NAV2: variants seen among roughly 807,000 people sequenced by gnomAD.
NAV2 encodes neuron navigator 2, also known as helicase, APC down-regulated 1.
NAV2 carries 54 observed loss-of-function variants against 223.2 expected under a neutral mutation model. The observed-to-expected ratio is 0.24, with a 90% CI of 0.19 to 0.30. The LOEUF is 0.30. NAV2 is among the 10% of genes least tolerant of loss of function. NAV2 has a pLI of 1.00. For missense variants in NAV2, 2,806 were observed against 3,147.5 expected, an observed-to-expected ratio of 0.89 and a Z score of 2.60; for synonymous variants, 1,279 against 1,239.3, an observed-to-expected ratio of 1.03 and a Z score of -0.67.
intron 1 of NAV2, among the ~76,000 whole-genome samples, chr11:19,545,269 T>A (rs1265919825): frequency 2.0e-5 from 3 of 152,240 alleles, no homozygotes; most frequent in Non-Finnish European, 4.4e-5. Context: ...GTCTCCATAC[T>A]GCCTCCAGGG....
intron 1 of NAV2, among the ~76,000 whole-genome samples, chr11:19,631,569 T>C (rs2047346385): frequency 6.6e-6 from 1 of 152,188 alleles, no homozygotes; most frequent in Admixed American, 6.5e-5. Context: ...CCAAGACTAG[T>C]GTGCTCTCAT....
intron 1 of NAV2, among the ~76,000 whole-genome samples, chr11:19,389,576 GAC>G (rs1221770589): frequency 1.3e-5 from 2 of 152,174 alleles, no homozygotes; most frequent in Non-Finnish European, 2.9e-5. Flanking sequence ...GAAGATCAAG[GAC>G]AGTCATCACA....
intron 4 of NAV2, among the ~76,000 whole-genome samples, chr11:19,870,894 T>C (rs1486118334): frequency 1.3e-5 from 2 of 152,108 alleles, no homozygotes; most frequent in South Asian, 4.1e-4. Flanking sequence ...AATCTAGGTA[T>C]GCCATATAAA....
intron 11 of NAV2, among the ~76,000 whole-genome samples, chr11:20,019,549 C>A (rs1342898498): frequency 6.6e-6 from 1 of 152,012 alleles, no homozygotes; most frequent in African/African-American, 2.4e-5. Flanking sequence ...TGAGATCACC[C>A]AGGAAAAGAA....
intron 10 of NAV2, among the ~76,000 whole-genome samples, chr11:19,977,105 C>T (rs948359406): frequency 6.6e-6 from 1 of 152,186 alleles, no homozygotes; most frequent in East Asian, 1.9e-4. Flanking sequence ...TTCTCTAAGT[C>T]ACATTTCCCA....
At chr11:19,381,016 G>T (rs1185622295) in intron 1 of NAV2, among the ~76,000 whole-genome samples, 3 of 152,188 alleles carry the variant, frequency 2.0e-5, no homozygotes, top group Non-Finnish European at 4.4e-5. Flanking sequence ...GGGTTGTAGT[G>T]GTTTCCAGTG....
intron 1 of NAV2, among the ~76,000 whole-genome samples, chr11:19,734,936 T>C (rs2052146687): frequency 6.6e-6 from 1 of 152,206 alleles, no homozygotes; most frequent in Admixed American, 6.5e-5. Context: ...ATGTAGTTAT[T>C]ACAAGCATGG....
At chr11:19,631,838 G>C (rs556384199) in intron 1 of NAV2, among the ~76,000 whole-genome samples, 1 of 152,220 alleles carries the variant, frequency 6.6e-6, no homozygotes, top group Non-Finnish European at 1.5e-5. Context: ...CAGTGATTAG[G>C]AGCCTGTGTG....
At chr11:20,111,764 G>A (rs2062657850) in intron 36 of NAV2, among the ~76,000 whole-genome samples, 1 of 152,214 alleles carries the variant, frequency 6.6e-6, no homozygotes. Flanking sequence ...CCCGTCTCTT[G>A]GCCTTGGGTT....
intron 1 of NAV2, among the ~76,000 whole-genome samples, chr11:19,571,712 A>AG (rs2045430624): frequency 6.6e-6 from 1 of 150,970 alleles, no homozygotes; most frequent in African/African-American, 2.4e-5. Flanking sequence ...ATCTCAAAAA[A>AG]GAAAAAAAAA....
intron 1 of NAV2, among the ~76,000 whole-genome samples, chr11:19,639,953 T>C (rs1398909890): frequency 6.6e-6 from 1 of 152,060 alleles, no homozygotes; most frequent in East Asian, 1.9e-4. Context: ...TCAGCATGGG[T>C]GAAGGGAAGA....
intron 1 of NAV2, among the ~76,000 whole-genome samples, chr11:19,661,789 A>G (rs2048291205): frequency 6.6e-6 from 1 of 152,226 alleles, no homozygotes; most frequent in Non-Finnish European, 1.5e-5. Context: ...CTTTGTATCC[A>G]TTCAATTCAA....
At chr11:19,390,039 C>T (rs565528868) in intron 1 of NAV2, among the ~76,000 whole-genome samples, 108 of 152,192 alleles carry the variant, frequency 7.1e-4, no homozygotes, top group Non-Finnish European at 1.4e-3. Flanking sequence ...TTTGTGCAAA[C>T]ATTCCAGGAA....
intron 1 of NAV2, among the ~76,000 whole-genome samples, chr11:19,760,524 G>T (rs72913655): frequency 6.6e-6 from 1 of 152,224 alleles, no homozygotes. Context: ...CCATTTGCTG[G>T]TGACGAAGCA....
chr11:19,745,660 T>C (rs1022960333), intron 1 of NAV2, among the ~76,000 whole-genome samples: 1 of 152,236 alleles, frequency 6.6e-6, no homozygotes, highest in Admixed American at 6.5e-5. Flanking sequence ...ATGCAGGATA[T>C]GGTTTCGGGA....
chr11:19,776,676 G>GTGTGTGTGTGTGTGTGTGT (rs61624701), intron 1 of NAV2, among the ~76,000 whole-genome samples: 1 of 147,670 alleles, frequency 6.8e-6, no homozygotes, highest in Non-Finnish European at 1.5e-5. Context: ...GTGTGTGTGT[G>GTGTGTGTGTGTGTGTGTGT]GTTAGAGTTG....
chr11:19,984,935 C>T (rs1182708174), intron 11 of NAV2, among the ~76,000 whole-genome samples: 1 of 152,214 alleles, frequency 6.6e-6, no homozygotes, highest in African/African-American at 2.4e-5. Context: ...TCTATGATCC[C>T]TTCCAGTTCT....
rs188508002 is a variant in NAV2 at position 19,542,993 on chromosome 11, G to T, written c.75+191966G>T. On this transcript the variant is annotated intron_variant, in intron 1 of 37. Coordinates refer to the NAV2 transcript ENST00000360655. Reference sequence around the variant, plus strand: ...ATAAGGTTTCCATGTCACTGGTTGAGCATGGGTCCAATCACCTAAGTGTGA... The same window carrying T: ...ATAAGGTTTCCATGTCACTGGTTGATCATGGGTCCAATCACCTAAGTGTGA... Among the ~76,000 whole-genome samples, 425 of 147,488 alleles carry T rather than the reference G, an allele frequency of 2.9e-3. 1 individual carries two copies. The highest frequency in any genetic ancestry group is 0.011 in the African/African-American group (396 of 37,028).
intron 30 of NAV2, among the ~76,000 whole-genome samples, chr11:20,097,330 C>A (rs1446619252): frequency 6.6e-6 from 1 of 152,168 alleles, no homozygotes; most frequent in Non-Finnish European, 1.5e-5. Context: ...ACGTTCACAA[C>A]CTTGTTAGGG....
Sources: allele counts gnomAD v4.1 joint callset (sites outside exome capture counted in the v4.1 genomes callset), GRCh38; gene constraint gnomAD v4.1.1; transcripts MANE v1.5; gene names NCBI Gene and HGNC (gene_info 2026-07-23, HGNC 2026-07-21).